Variants in NUMB observed in about 807,000 individuals in gnomAD.
NUMB encodes NUMB endocytic adaptor protein.
NUMB carries 29 observed loss-of-function variants against 59.7 expected under a neutral mutation model. The observed-to-expected ratio is 0.49, with a 90% CI of 0.36 to 0.66. The LOEUF (loss-of-function observed/expected upper bound fraction) is 0.66, where lower values mean the gene tolerates loss of function less well. NUMB is among the 30% of genes least tolerant of loss of function. The probability of loss-of-function intolerance (pLI) is 0.00; values close to 1 mark genes in which losing one functional copy is unlikely to be tolerated. For missense variants in NUMB, 723 were observed against 822.0 expected, an observed-to-expected ratio of 0.88 and a Z score of 1.47; for synonymous variants, 288 against 288.2, an observed-to-expected ratio of 1.00 and a Z score of 0.01.
intron 9 of NUMB, 67 bp from the exon 10 acceptor site, chr14:73,284,441 C>A: frequency 1.4e-6 from 2 of 1,410,018 alleles, no homozygotes; most frequent in South Asian, 1.3e-5. Context: ...AGAGAGCTGA[C>A]AAATTCGAAA....
At chr14:73,329,120 G>A (rs550355732) in intron 4 of NUMB, among the ~76,000 whole-genome samples, 10 of 152,140 alleles carry the variant, frequency 6.6e-5, no homozygotes, top group East Asian at 1.9e-4. Flanking sequence ...CACCCGCCTC[G>A]GCCTCCCAAA....
Position 73,284,163 on chromosome 14 carries a change from G to A in NUMB, c.867C>T (p.Pro289=). 6.2e-7 allele frequency: 1 copy of A among 1,614,192 alleles called. No homozygotes were observed. The highest frequency in any genetic ancestry group is 8.5e-7 in the Non-Finnish European group (1 of 1,180,038). Reference sequence around the variant, plus strand: ...TGCGTAGGGATAGTTGGCGTTTAAAGGGTGACATCTTCTGGCTAAGAGCAG... The same window carrying A: ...TGCGTAGGGATAGTTGGCGTTTAAAAGGTGACATCTTCTGGCTAAGAGCAG... The part of the protein sequence containing the change: ...GFPALSQKMS[P]FKRQLSLRIN... The change falls in exon 10 of 13, where the codon CCC becomes CCT. Residue 289 remains proline, a synonymous_variant. Coordinates refer to ENST00000555238, the MANE Select transcript of NUMB (RefSeq NM_001005743.2).
intron 1 of NUMB, among the ~76,000 whole-genome samples, chr14:73,455,787 T>A (rs1307341592): frequency 1.3e-5 from 2 of 152,230 alleles, no homozygotes; most frequent in Non-Finnish European, 2.9e-5. Context: ...ATACATGAAA[T>A]TTTCTCAAGT....
chr14:73,367,322 CATATATACATATAT>C (rs1339508176), intron 2 of NUMB, among the ~76,000 whole-genome samples: 1 of 92,354 alleles, frequency 1.1e-5, no homozygotes, highest in Non-Finnish European at 2.0e-5. Context: ...CACACACACA[CATATATACATATAT>C]ATATATATAT....
intron 2 of NUMB, among the ~76,000 whole-genome samples, chr14:73,398,449 T>TGC (rs1403772623): frequency 2.7e-5 from 4 of 149,482 alleles, no homozygotes. Flanking sequence ...TGTGTGTGTG[T>TGC]GTGTTTAAAG....
chr14:73,323,813 G>C (rs928443739), intron 4 of NUMB, among the ~76,000 whole-genome samples: 2 of 152,160 alleles, frequency 1.3e-5, no homozygotes, highest in Non-Finnish European at 2.9e-5. Flanking sequence ...TTGAAAGGTT[G>C]AAAGACTATT....
chr14:73,321,158 C>A lies in NUMB; in HGVS notation c.201+1972G>T, dbSNP rs558194714. Among the ~76,000 whole-genome samples, 8 of 152,282 alleles carry A rather than the reference C, an allele frequency of 5.3e-5. 1 individual carries two copies. In the South Asian group the frequency reaches 1.7e-3, roughly 32 times the overall value. On this transcript the variant is annotated intron_variant, in intron 5 of 12. Coordinates refer to ENST00000555238, the MANE Select transcript of NUMB (RefSeq NM_001005743.2). Reference sequence around the variant, plus strand: ...TGTTCTGGGCAAACTTAAACCACCTCTAGCTTTTCCTTACTTACAGAGTGC... The same window carrying A: ...TGTTCTGGGCAAACTTAAACCACCTATAGCTTTTCCTTACTTACAGAGTGC...
At chr14:73,384,596 C>G (rs1447276441) in intron 2 of NUMB, among the ~76,000 whole-genome samples, 1 of 152,146 alleles carries the variant, frequency 6.6e-6, no homozygotes, top group Non-Finnish European at 1.5e-5. Context: ...GAGACAGGGT[C>G]TGGCTCTCTC....
At position 73,396,617 on chromosome 14, in the gene NUMB, G is replaced by C. The variant is rs190769395; in HGVS notation, c.-101+13320C>G. Among the ~76,000 whole-genome samples the C allele has an allele frequency of 2.0e-3, 301 of 152,102 alleles. 1 individual carries two copies. The highest frequency in any genetic ancestry group is 7.1e-3 in the African/African-American group (293 of 41,498). ...ACTCCTGAGCTCAACTGATACTCCT[G>C]TCTTAGCCTCTCAAAGTGCTGGGAT... On this transcript the variant is annotated intron_variant, in intron 2 of 12. Transcript: ENST00000555238.
chr14:73,277,191 G>C lies in NUMB; in HGVS notation c.1343C>G (p.Ser448Cys), dbSNP rs1888226842. The part of the protein sequence containing the change: ...SEADRWLEEV[S>C]KSVRAQQPQA... ...GGGCTGCTGAGCCCGGACGCTCTTA[G>C]ACACCTCTTCTAACCATCGGTCGGC... The change falls in exon 13 of 13, where the codon TCT becomes TGT. Residue 448 changes from serine (S) to cysteine (C), a missense_variant. Physicochemically the swap from Ser to Cys is moderately radical, Grantham distance 112 (BLOSUM62 -1). This residue lies in a region of NUMB where 406 missense variants were observed against 385.4 expected (regional missense o/e 1.05). Coordinates refer to ENST00000555238, the MANE Select transcript of NUMB (RefSeq NM_001005743.2). The C allele has an allele frequency of 1.2e-6, 2 of 1,613,966 alleles. No individual in the cohort carries two copies. Among genetic ancestry groups the C allele is most frequent in the Non-Finnish European group, 1.7e-6 (2 of 1,180,040 alleles).
chr14:73,299,827 T>C (rs1890029037), intron 6 of NUMB, among the ~76,000 whole-genome samples: 2 of 152,134 alleles, frequency 1.3e-5, no homozygotes, highest in East Asian at 1.9e-4. Context: ...TCTGTAAGAA[T>C]TGTGATAAAC....
intron 3 of NUMB, among the ~76,000 whole-genome samples, chr14:73,363,174 G>A (rs1894172313): frequency 6.6e-6 from 1 of 152,030 alleles, no homozygotes; most frequent in Admixed American, 6.6e-5. Flanking sequence ...GTATGTGCCT[G>A]TAGTCCCAGC....
In NUMB at chr14:73,275,719, A is replaced by C. The variant is rs74439324; in HGVS notation, c.*859T>G. The C allele has an allele frequency of 6.6e-6, 1 of 152,536 alleles. No homozygotes were observed. The highest frequency in any genetic ancestry group is 2.4e-5 in the African/African-American group (1 of 41,448). 9.4% of individuals were successfully genotyped at this position (152,536 alleles called of 1,614,324 possible). A position where few individuals can be genotyped will look rare whatever the true frequency, so the allele number is the denominator to read the frequency against. ...ACTGCTTTTCCTTTATTTAAAAAAA[A>C]CTACAACCTAGTGACTGTATTGGTC... On this transcript the variant is annotated 3_prime_UTR_variant, in exon 13 of 13. Transcript: ENST00000555238.
At chr14:73,409,232 C>T (rs1325560980) in intron 2 of NUMB, 1 of 152,236 alleles carries the variant, frequency 6.6e-6, no homozygotes, top group Non-Finnish European at 1.5e-5. Flanking sequence ...ACAACTACAT[C>T]AACCAGTAGG....
chr14:73,416,007 C>T (rs1261601575), intron 1 of NUMB, among the ~76,000 whole-genome samples: 1 of 152,178 alleles, frequency 6.6e-6, no homozygotes, highest in Admixed American at 6.5e-5. Context: ...CAGAACTCAA[C>T]TAAAGGCTGT....
At chr14:73,444,855 C>CA (rs11370548) in intron 1 of NUMB, among the ~76,000 whole-genome samples, 52,630 of 118,218 alleles carry the variant, frequency 0.45, 11,291 homozygotes, top group East Asian at 0.68. Flanking sequence ...CACTCCGTCT[C>CA]AAAAAAAAAA....
rs534772470 is a variant in NUMB at position 73,402,312 on chromosome 14, A to C, written c.-101+7625T>G. 1.5e-3 allele frequency among the ~76,000 whole-genome samples: 221 copies of C among 152,340 alleles called. 1 individual carries two copies. The highest frequency in any genetic ancestry group is 2.4e-3 in the Non-Finnish European group (162 of 68,032). ...ATTTCTAGAGTAAATTAAATGACTG[A>C]TTCCCTATCTGTTATATGGATCCTA... is the stretch of plus-strand genomic sequence containing the variant. On this transcript the variant is annotated intron_variant, in intron 2 of 12. Coordinates refer to ENST00000555238, the MANE Select transcript of NUMB (RefSeq NM_001005743.2).
chr14:73,294,219 T>G (rs1178213704), intron 7 of NUMB, among the ~76,000 whole-genome samples: 1 of 152,198 alleles, frequency 6.6e-6, no homozygotes, highest in Non-Finnish European at 1.5e-5. Flanking sequence ...GCGTTTTTGT[T>G]CTTTTTTTGA....
intron 1 of NUMB, among the ~76,000 whole-genome samples, chr14:73,436,019 A>G (rs898943109): frequency 5.3e-5 from 8 of 152,100 alleles, no homozygotes; most frequent in Admixed American, 4.6e-4. Context: ...AAAAAAAAAA[A>G]GAAAATGACA....
Sources: allele counts gnomAD v4.1 joint callset (sites outside exome capture counted in the v4.1 genomes callset), GRCh38; gene constraint gnomAD v4.1.1; regional missense constraint gnomAD v4.1.1; transcripts MANE v1.5; gene names NCBI Gene and HGNC (gene_info 2026-07-23, HGNC 2026-07-21).